Variants in PAK5 observed in about 807,000 individuals in gnomAD.
PAK5 encodes p21 (RAC1) activated kinase 5, also known as serine/threonine-protein kinase PAK 5.
In PAK5, 16 loss-of-function variants were observed where a neutral mutation model predicts 65.9. The observed-to-expected ratio is 0.24, with a 90% confidence interval of 0.16 to 0.37. PAK5 has a LOEUF of 0.37. Ranked by LOEUF, PAK5 falls within the 10% of genes least tolerant of loss-of-function variation. PAK5 has a pLI of 1.00. For missense variants in PAK5, 785 were observed against 903.9 expected (o/e 0.87, Z 1.69); for synonymous variants, 371 against 354.9 (o/e 1.05, Z -0.51).
At chr20:9,824,791 A>G (rs1239104673) in intron 1 of PAK5, among the ~76,000 whole-genome samples, 1 of 152,114 alleles carries the variant, frequency 6.6e-6, no homozygotes, top group Non-Finnish European at 1.5e-5. Context: ...CTATACATTT[A>G]TTTATTATGC....
chr20:9,741,262 CAAG>C (rs899488541), intron 1 of PAK5, among the ~76,000 whole-genome samples: 1 of 152,036 alleles, frequency 6.6e-6, no homozygotes, highest in Non-Finnish European at 1.5e-5. Flanking sequence ...GGAAGAAACA[CAAG>C]AAGAAGGGAA....
chr20:9,615,248 A>G (rs2046634041), intron 3 of PAK5, among the ~76,000 whole-genome samples: 1 of 152,206 alleles, frequency 6.6e-6, no homozygotes, highest in Non-Finnish European at 1.5e-5. Context: ...ACAATGGTAG[A>G]TACAGCTCAG....
chr20:9,635,734 C>T (rs2046975530), intron 3 of PAK5, among the ~76,000 whole-genome samples: 1 of 152,080 alleles, frequency 6.6e-6, no homozygotes, highest in African/African-American at 2.4e-5. Flanking sequence ...ATGCTTCTAG[C>T]TCAACACTAT....
intron 7 of PAK5, among the ~76,000 whole-genome samples, chr20:9,546,906 T>C (rs1603194652): frequency 6.6e-6 from 1 of 152,202 alleles, no homozygotes; most frequent in Non-Finnish European, 1.5e-5. Flanking sequence ...GTGAATATGA[T>C]AATGATGACA....
intron 3 of PAK5, among the ~76,000 whole-genome samples, chr20:9,635,456 T>C (rs2046972232): frequency 1.3e-5 from 2 of 152,094 alleles, no homozygotes; most frequent in Non-Finnish European, 2.9e-5. Context: ...CATCTGGCCA[T>C]ATCCCCCACC....
chr20:9,782,080 G>C (rs2048946397), intron 1 of PAK5, among the ~76,000 whole-genome samples: 1 of 151,976 alleles, frequency 6.6e-6, no homozygotes, highest in South Asian at 2.1e-4. Context: ...TTCTCTCTCT[G>C]ACATTGTCTC....
intron 2 of PAK5, among the ~76,000 whole-genome samples, chr20:9,701,722 G>C (rs1029077224): frequency 1.3e-5 from 2 of 152,234 alleles, no homozygotes; most frequent in South Asian, 2.1e-4. Flanking sequence ...TTGATGGCCT[G>C]GTATGGTAGC....
intron 1 of PAK5, among the ~76,000 whole-genome samples, chr20:9,798,436 G>A (rs2049130911): frequency 6.6e-6 from 1 of 152,038 alleles, no homozygotes; most frequent in South Asian, 2.1e-4. Context: ...CTTTCTCCAG[G>A]AAAGAAAAGG....
chr20:9,673,343 A>T lies in PAK5; in HGVS notation c.-11-29004T>A, dbSNP rs552415883. ...TAAATAAAAGCAATAATACTTTTAAATAGGTGCATTCCAAGAGAACTTTTT... is the reference window on the plus strand; with the variant it reads ...TAAATAAAAGCAATAATACTTTTAATTAGGTGCATTCCAAGAGAACTTTTT... On this transcript the variant is annotated intron_variant, in intron 2 of 9. Coordinates refer to ENST00000353224, the MANE Select transcript of PAK5 (RefSeq NM_177990.4). Among the ~76,000 whole-genome samples the T allele has an allele frequency of 2.6e-5, 4 of 152,342 alleles. No homozygotes were observed. The South Asian group carries it at 8.3e-4, about 32-fold the overall frequency.
intron 2 of PAK5, among the ~76,000 whole-genome samples, chr20:9,664,352 T>C (rs1439389536): frequency 2.0e-5 from 3 of 152,164 alleles, no homozygotes; most frequent in Non-Finnish European, 4.4e-5. Flanking sequence ...CAAGAAATGC[T>C]TCAACCTCCA....
chr20:9,815,262 T>G (rs1355471596), intron 1 of PAK5, among the ~76,000 whole-genome samples: 1 of 152,138 alleles, frequency 6.6e-6, no homozygotes. Flanking sequence ...AAACAAACCA[T>G]ATCCAAACCA....
intron 1 of PAK5, among the ~76,000 whole-genome samples, chr20:9,799,187 T>C (rs1348807575): frequency 1.3e-5 from 2 of 152,184 alleles, no homozygotes; most frequent in Non-Finnish European, 2.9e-5. Flanking sequence ...AATTTTAAAC[T>C]GTAATACATA....
rs139490018 is a variant in PAK5 at position 9,731,799 on chromosome 20, G to A, written c.-161-20364C>T. ...GTACTTTGCAAGTAGACGAATTGTGGGGACATTAAAGTATGCCAGAATAAA... is the reference window on the plus strand; with the variant it reads ...GTACTTTGCAAGTAGACGAATTGTGAGGACATTAAAGTATGCCAGAATAAA... On this transcript the variant is annotated intron_variant, in intron 1 of 9. Coordinates refer to ENST00000353224, the MANE Select transcript of PAK5 (RefSeq NM_177990.4). Among the ~76,000 whole-genome samples the A allele has an allele frequency of 1.5e-3, 234 of 152,164 alleles. 1 individual carries two copies. The highest frequency in any genetic ancestry group is 6.8e-3 in the Middle Eastern group (2 of 294).
chr20:9,761,539 AAGC>A (rs1279144295), intron 1 of PAK5, among the ~76,000 whole-genome samples: 1 of 152,176 alleles, frequency 6.6e-6, no homozygotes, highest in Non-Finnish European at 1.5e-5. Flanking sequence ...GAAGTAGAAA[AAGC>A]AGTGTTAAAA....
chr20:9,758,984 C>G (rs1414786193), intron 1 of PAK5, among the ~76,000 whole-genome samples: 1 of 152,046 alleles, frequency 6.6e-6, no homozygotes, highest in Non-Finnish European at 1.5e-5. Flanking sequence ...CCAAAGGGGA[C>G]AGAACCCCTT....
At chr20:9,789,426 C>A (rs1418677750) in intron 1 of PAK5, among the ~76,000 whole-genome samples, 1 of 152,108 alleles carries the variant, frequency 6.6e-6, no homozygotes, top group Non-Finnish European at 1.5e-5. Flanking sequence ...AGCATTTATA[C>A]TTTAACTTTA....
intron 1 of PAK5, among the ~76,000 whole-genome samples, chr20:9,771,068 ACTT>A (rs1312893866): frequency 1.3e-5 from 2 of 152,182 alleles, no homozygotes; most frequent in African/African-American, 4.8e-5. Context: ...TTGAAACAAG[ACTT>A]CTTATAGCAG....
intron 2 of PAK5, among the ~76,000 whole-genome samples, chr20:9,674,245 A>G (rs907044257): frequency 6.6e-6 from 1 of 151,898 alleles, no homozygotes; most frequent in Admixed American, 6.6e-5. Context: ...CACAGTTCTA[A>G]CAATGACTCC....
At chr20:9,831,274 C>A (rs1380249563) in intron 1 of PAK5, among the ~76,000 whole-genome samples, 1 of 152,344 alleles carries the variant, frequency 6.6e-6, no homozygotes, top group Non-Finnish European at 1.5e-5. Flanking sequence ...CCTGGCAATT[C>A]TTTTAGCTAC....
Sources: allele counts gnomAD v4.1 joint callset (sites outside exome capture counted in the v4.1 genomes callset), GRCh38; gene constraint gnomAD v4.1.1; transcripts MANE v1.5; gene names NCBI Gene and HGNC (gene_info 2026-07-23, HGNC 2026-07-21).